The following FBXW11 variants were observed in gnomAD, a reference collection of about 807,000 sequenced individuals.
FBXW11 encodes F-box/WD repeat-containing protein 11.
FBXW11 carries 19 observed loss-of-function variants against 77.6 expected under a neutral mutation model. That is an observed-to-expected ratio of 0.24 (90% CI 0.17 to 0.36). The LOEUF is 0.36. Among genes scored for constraint, FBXW11 ranks in the 10% least tolerant of loss-of-function variants. The pLI is 1.00. For synonymous variants in FBXW11, 235 were observed against 249.4 expected, an observed-to-expected ratio of 0.94 and a Z score of 0.54; for missense variants, 334 against 704.2, an observed-to-expected ratio of 0.47 and a Z score of 5.95.
At chr5:171,987,937 AC>A (rs747099874) in intron 1 of FBXW11, among the ~76,000 whole-genome samples, 17 of 152,156 alleles carry the variant, frequency 1.1e-4, no homozygotes, top group Non-Finnish European at 1.6e-4. Context: ...CCCAAACAAT[AC>A]CTAGAACAGA....
intron 2 of FBXW11, among the ~76,000 whole-genome samples, chr5:171,920,416 T>TA (rs34512244): frequency 0.51 from 66,837 of 130,586 alleles, 17,243 homozygotes; most frequent in South Asian, 0.64. Context: ...CACCGCTATT[T>TA]AAAAAAAAAA....
chr5:171,993,493 G>C (rs374593766), intron 1 of FBXW11, among the ~76,000 whole-genome samples: 7 of 151,984 alleles, frequency 4.6e-5, no homozygotes, highest in Admixed American at 4.6e-4. Flanking sequence ...CGTGCCTGTA[G>C]TCCCAACTAC....
intron 7 of FBXW11, among the ~76,000 whole-genome samples, chr5:171,881,022 T>C (rs1758467041): frequency 6.6e-6 from 1 of 152,198 alleles, no homozygotes; most frequent in Admixed American, 6.5e-5. Flanking sequence ...TAATTTCACA[T>C]TCCACTTGTT....
In FBXW11 at chr5:171,876,166, A is replaced by G. The variant is rs1758067113; in HGVS notation, c.1221+119T>C. ...CAGAGTGGGATGGCCTCAAGGGTTC[A>G]TAAGCACAGAGGAGAATAAAGATCT... On this transcript the variant is annotated intron_variant, in intron 9 of 13. Transcript: ENST00000517395. The surrounding 1 kb of genome is among the most constrained non-coding windows in gnomAD (Gnocchi z 4.2). 4.0e-6 allele frequency: 5 copies of G among 1,265,150 alleles called. No individual in the cohort carries two copies. In the South Asian group the frequency reaches 5.5e-5, roughly 14 times the overall value. 78.4% of individuals were successfully genotyped at this position (1,265,150 alleles called of 1,614,324 possible). A position where few individuals can be genotyped will look rare whatever the true frequency, so the allele number is the denominator to read the frequency against.
chr5:171,990,014 G>A (rs1306798067), intron 1 of FBXW11, among the ~76,000 whole-genome samples: 1 of 152,052 alleles, frequency 6.6e-6, no homozygotes, highest in Admixed American at 6.5e-5. Context: ...TGAAAACTTA[G>A]GGGTTAAGTA....
chr5:171,905,389 C>T (rs990698660), intron 4 of FBXW11, among the ~76,000 whole-genome samples: 3 of 152,174 alleles, frequency 2.0e-5, no homozygotes, highest in Admixed American at 2.0e-4. Flanking sequence ...GAGGGAACCT[C>T]CCAGTCTTGC....
chr5:171,991,327 T>A (rs1319649088), intron 1 of FBXW11, among the ~76,000 whole-genome samples: 1 of 152,130 alleles, frequency 6.6e-6, no homozygotes, highest in Non-Finnish European at 1.5e-5. Flanking sequence ...GACAAAAATA[T>A]GCCTCAAAAA....
chr5:171,888,262 T>C (rs1759051206), intron 7 of FBXW11, among the ~76,000 whole-genome samples: 1 of 151,950 alleles, frequency 6.6e-6, no homozygotes, highest in South Asian at 2.1e-4. Context: ...CTTAGGGAAA[T>C]CCAAGAGGAA....
At chr5:171,951,561 T>G (rs1343468359) in intron 2 of FBXW11, among the ~76,000 whole-genome samples, 1 of 72,798 alleles carries the variant, frequency 1.4e-5, no homozygotes, top group African/African-American at 3.0e-5. Flanking sequence ...AGAAAAAAAG[T>G]GGCTATTTTT....
At position 171,914,367 on chromosome 5, in the gene FBXW11, G is replaced by A; in HGVS notation, c.186C>T (p.Ser62=). Residue 62 remains serine, a synonymous_variant, in exon 3 of 14, where the codon TCC becomes TCT. Transcript: ENST00000517395. The part of the protein sequence containing the change: ...SVMEDQNEDE[S]PKKNTLWQIS... Reference sequence around the variant, plus strand: ...CCTGCCAAAGAGTATTTTTCTTTGGGGACTCATCTTCATTTTGATCTTCCA... The same window carrying A: ...CCTGCCAAAGAGTATTTTTCTTTGGAGACTCATCTTCATTTTGATCTTCCA... 6.2e-7 allele frequency: 1 copy of A among 1,605,158 alleles called. No individual in the cohort carries two copies. The highest frequency in any genetic ancestry group is 8.5e-7 in the Non-Finnish European group (1 of 1,176,594).
chr5:171,907,687 C>A (rs969126112), intron 4 of FBXW11, among the ~76,000 whole-genome samples: 2 of 152,186 alleles, frequency 1.3e-5, no homozygotes, highest in Non-Finnish European at 2.9e-5. Flanking sequence ...ATGGTCCATT[C>A]ATTTCATGTA....
Position 171,876,141 on chromosome 5 carries a change from C to T in FBXW11, c.1221+144G>A. 1.1e-6 allele frequency: 1 copy of T among 908,782 alleles called. No individual in the cohort carries two copies. The highest frequency in any genetic ancestry group is 1.7e-6 in the Non-Finnish European group (1 of 594,694). 56.3% of individuals were successfully genotyped at this position (908,782 alleles called of 1,614,324 possible). On this transcript the variant is annotated intron_variant, in intron 9 of 13. Coordinates refer to ENST00000517395, the MANE Select transcript of FBXW11 (RefSeq NM_001378974.1). The surrounding 1 kb of genome is among the most constrained non-coding windows in gnomAD (Gnocchi z 4.2). ...CCTTGCCTACAACTCTACAGATATA[C>T]AGAGTGGGATGGCCTCAAGGGTTCA... is the stretch of plus-strand genomic sequence containing the variant.
intron 1 of FBXW11, among the ~76,000 whole-genome samples, chr5:172,001,350 T>C (rs1200236204): frequency 6.6e-6 from 1 of 152,186 alleles, no homozygotes; most frequent in African/African-American, 2.4e-5. Flanking sequence ...AACTGATTAT[T>C]GTGAGAATTA....
intron 2 of FBXW11, among the ~76,000 whole-genome samples, chr5:171,926,686 G>A (rs1761908933): frequency 6.6e-6 from 1 of 152,166 alleles, no homozygotes; most frequent in Admixed American, 6.5e-5. Context: ...GCAGAACCAT[G>A]AGCCAATTAA....
intron 2 of FBXW11, among the ~76,000 whole-genome samples, chr5:171,926,318 C>A (rs1561690485): frequency 6.6e-6 from 1 of 152,152 alleles, no homozygotes; most frequent in Non-Finnish European, 1.5e-5. Flanking sequence ...AACAGGGCCT[C>A]CCTGGCAGAG....
At chr5:171,996,351 T>A (rs982853845) in intron 1 of FBXW11, among the ~76,000 whole-genome samples, 1 of 152,188 alleles carries the variant, frequency 6.6e-6, no homozygotes, top group African/African-American at 2.4e-5. Context: ...AGACTATGAA[T>A]AAAAACTATT....
chr5:171,899,126 T>G, intron 5 of FBXW11, 32 bp from the exon 6 acceptor site: 1 of 1,477,016 alleles, frequency 6.8e-7, no homozygotes, highest in Non-Finnish European at 9.3e-7. Context: ...ATGTTACATT[T>G]TTGCACATAA....
chr5:171,993,868 A>T (rs1018446514), intron 1 of FBXW11, among the ~76,000 whole-genome samples: 2 of 152,230 alleles, frequency 1.3e-5, no homozygotes, highest in Non-Finnish European at 2.9e-5. Flanking sequence ...AATTAAAATT[A>T]AAAATTCAGT....
intron 1 of FBXW11, among the ~76,000 whole-genome samples, chr5:171,966,010 G>T (rs1019884009): frequency 6.6e-6 from 1 of 152,086 alleles, no homozygotes; most frequent in Non-Finnish European, 1.5e-5. Context: ...AGCGTGGTAA[G>T]ACATGCTTGT....
Sources: gnomAD v4.1 joint callset for allele counts (sites outside exome capture counted in the v4.1 genomes callset) on GRCh38, gnomAD v4.1.1 for gene constraint, Gnocchi (gnomAD v3.1) non-coding constraint, MANE v1.5 for transcripts, NCBI Gene and HGNC (gene_info 2026-07-23, HGNC 2026-07-21) for gene names.